The following CAMK2B variants were observed in gnomAD, a reference collection of about 807,000 sequenced individuals.
CAMK2B encodes the protein calcium/calmodulin-dependent protein kinase type II subunit beta.
A neutral mutation model predicts 93.7 loss-of-function variants in CAMK2B; 27 were observed. The observed-to-expected ratio is 0.29, with a 90% CI of 0.21 to 0.40. The LOEUF is 0.40. CAMK2B is among the 10% of genes least tolerant of loss of function. The pLI, the probability that CAMK2B is intolerant of heterozygous loss-of-function variation, is 1.00. For missense variants in CAMK2B, 568 were observed against 895.8 expected (o/e 0.63, Z 4.67); for synonymous variants, 374 against 358.8 (o/e 1.04, Z -0.48).
Position 44,311,798 on chromosome 7 carries a change from G to A in CAMK2B, c.65+13559C>T, listed in dbSNP as rs887618502. Among the ~76,000 whole-genome samples, 6 of 152,238 alleles carry A rather than the reference G, an allele frequency of 3.9e-5. No homozygotes were observed. The highest frequency in any genetic ancestry group is 7.3e-5 in the Non-Finnish European group (5 of 68,044). ...CTCCCACCTGCAGACAGGACAAGGG[G>A]AAGGGGTGTGTGACTGACTCTGCCC... On this transcript the variant is annotated intron_variant, in intron 1 of 23. Transcript: ENST00000395749. This position sits in a 1 kb window ranked among gnomAD's most constrained non-coding sequence, Gnocchi z 4.2.
At chr7:44,273,923 G>A (rs1349170610) in intron 2 of CAMK2B, among the ~76,000 whole-genome samples, 1 of 147,412 alleles carries the variant, frequency 6.8e-6, no homozygotes, top group African/African-American at 2.5e-5. Flanking sequence ...GCACAGTCCG[G>A]GGCAAGCACT....
intron 1 of CAMK2B, among the ~76,000 whole-genome samples, chr7:44,300,802 T>G (rs1789773417): frequency 6.6e-6 from 1 of 152,194 alleles, no homozygotes; most frequent in South Asian, 2.1e-4. Context: ...ATCTATAGAC[T>G]ACTTCATCCA....
intron 1 of CAMK2B, 26 bp downstream of exon 1, chr7:44,325,331 C>T (rs373045184): frequency 1.2e-5 from 15 of 1,216,264 alleles, no homozygotes; most frequent in Admixed American, 3.0e-5. Flanking sequence ...GTCCCCGGCC[C>T]AGCCCGCGCG....
chr7:44,325,329 C>G (rs768155391), intron 1 of CAMK2B, 28 bp downstream of exon 1: 5 of 1,211,670 alleles, frequency 4.1e-6, no homozygotes. Flanking sequence ...GGGTCCCCGG[C>G]CCAGCCCGCG....
chr7:44,240,081 C>T (rs2096662481), intron 12 of CAMK2B, among the ~76,000 whole-genome samples: 1 of 151,882 alleles, frequency 6.6e-6, no homozygotes, highest in African/African-American at 2.4e-5. Flanking sequence ...CACGGAGTGT[C>T]GGACGACGGA....
intron 2 of CAMK2B, among the ~76,000 whole-genome samples, chr7:44,278,593 A>G (rs547336108): frequency 1.3e-5 from 2 of 152,290 alleles, no homozygotes; most frequent in East Asian, 3.9e-4. Flanking sequence ...AGCAGAGGCC[A>G]CAGGACAGAG....
intron 3 of CAMK2B, among the ~76,000 whole-genome samples, chr7:44,259,993 T>C (rs147159498): frequency 6.5e-4 from 99 of 152,204 alleles, no homozygotes; most frequent in African/African-American, 2.2e-3. Flanking sequence ...AAAGGCAGAA[T>C]AGGGCTGTGG....
At chr7:44,222,919 G>A (rs2096429801) in intron 20 of CAMK2B, among the ~76,000 whole-genome samples, 1 of 152,232 alleles carries the variant, frequency 6.6e-6, no homozygotes, top group Non-Finnish European at 1.5e-5. Context: ...GGGAACGCCT[G>A]TGCTGCACCT....
intron 5 of CAMK2B, among the ~76,000 whole-genome samples, chr7:44,254,202 C>T (rs576137874): frequency 2.6e-5 from 4 of 152,334 alleles, no homozygotes; most frequent in Admixed American, 6.5e-5. Context: ...TTCATCCCCC[C>T]GGGGAGGGTC....
In CAMK2B at chr7:44,311,600, C is replaced by A. The variant is rs145587413; in HGVS notation, c.65+13757G>T. Among the ~76,000 whole-genome samples the A allele has an allele frequency of 7.0e-4, 106 of 152,312 alleles. 1 individual carries two copies. Among genetic ancestry groups the A allele is most frequent in the African/African-American group, 2.3e-3 (97 of 41,566 alleles). ...CGGGTGCTTGCAACCCCTCTCAGGG[C>A]TCTCCCAGCCCCAGCCCCGGGTACC... On this transcript the variant is annotated intron_variant, in intron 1 of 23. Coordinates refer to ENST00000395749, the MANE Select transcript of CAMK2B (RefSeq NM_001220.5). The surrounding 1 kb of genome is among the most constrained non-coding windows in gnomAD (Gnocchi z 4.2).
At chr7:44,230,873 G>A in intron 17 of CAMK2B, 133 bp downstream of exon 17, 1 of 705,454 alleles carries the variant, frequency 1.4e-6, no homozygotes. Context: ...CAGCTACAGG[G>A]TCCCTGAGCC....
intron 5 of CAMK2B, among the ~76,000 whole-genome samples, chr7:44,247,447 T>G (rs1395260887): frequency 6.6e-6 from 1 of 152,132 alleles, no homozygotes; most frequent in Non-Finnish European, 1.5e-5. Flanking sequence ...CACACAGAAG[T>G]GACTTTCAAA....
Position 44,294,191 on chromosome 7 carries a change from C to T in CAMK2B, c.66-9966G>A, listed in dbSNP as rs568173181. ...CCTCTCTTCTTGGGTCCTCCCTGCC[C>T]TCGCCAAAGTCCCCAACCCCAAGGG... On this transcript the variant is annotated intron_variant, in intron 1 of 23. Coordinates refer to ENST00000395749, the MANE Select transcript of CAMK2B (RefSeq NM_001220.5). 3.3e-5 allele frequency among the ~76,000 whole-genome samples: 5 copies of T among 152,316 alleles called. No individual in the cohort carries two copies. In the South Asian group the frequency reaches 1.0e-3, roughly 32 times the overall value.
chr7:44,283,997 A>T, intron 2 of CAMK2B, 134 bp downstream of exon 2: 1 of 647,280 alleles, frequency 1.5e-6, no homozygotes, highest in Non-Finnish European at 2.7e-6. Context: ...GCATCTGTGC[A>T]TGGAGCCACA....
At chr7:44,296,035 G>A (rs774660869) in intron 1 of CAMK2B, among the ~76,000 whole-genome samples, 5 of 152,026 alleles carry the variant, frequency 3.3e-5, no homozygotes, top group East Asian at 1.9e-4. Flanking sequence ...GCTTTTACCC[G>A]GTACATCATG....
In CAMK2B at chr7:44,235,295, G is replaced by T. The variant is rs2096615283; in HGVS notation, c.1022-619C>A. ...CGCCCTCATTCCGAGCTGCCCAGCA[G>T]CCCTGGCCTTGGGGCCGCTTCTGTG... On this transcript the variant is annotated intron_variant, in intron 13 of 23. Coordinates refer to ENST00000395749, the MANE Select transcript of CAMK2B (RefSeq NM_001220.5). Among the ~76,000 whole-genome samples the T allele has an allele frequency of 7.9e-5, 12 of 152,380 alleles. 1 individual carries two copies. The South Asian group carries it at 2.5e-3, about 32-fold the overall frequency.
At chr7:44,240,453 G>A (rs566722472) in intron 12 of CAMK2B, among the ~76,000 whole-genome samples, 82 of 152,372 alleles carry the variant, frequency 5.4e-4, no homozygotes, top group African/African-American at 1.8e-3. Context: ...CAGCACAGAC[G>A]CTCGTGTTCA....
At chr7:44,313,042 G>C (rs1298681392) in intron 1 of CAMK2B, among the ~76,000 whole-genome samples, 1 of 152,128 alleles carries the variant, frequency 6.6e-6, no homozygotes, top group East Asian at 1.9e-4. Flanking sequence ...CAGGACCCTC[G>C]GGGCTGGTGC....
intron 1 of CAMK2B, among the ~76,000 whole-genome samples, chr7:44,291,425 C>T (rs188904226): frequency 4.2e-4 from 64 of 152,272 alleles, no homozygotes; most frequent in African/African-American, 1.4e-3. Flanking sequence ...GTCGTCCACT[C>T]CTGCCCAGGG....
Sources: allele counts gnomAD v4.1 joint callset (sites outside exome capture counted in the v4.1 genomes callset), GRCh38; gene constraint gnomAD v4.1.1; non-coding constraint Gnocchi (gnomAD v3.1); transcripts MANE v1.5; gene names NCBI Gene and HGNC (gene_info 2026-07-23, HGNC 2026-07-21).